ADAM12: variants seen among roughly 807,000 people sequenced by gnomAD.
ADAM12 encodes ADAM metallopeptidase domain 12, also known as disintegrin and metalloproteinase domain-containing protein 12.
A neutral mutation model predicts 106.4 loss-of-function variants in ADAM12; 70 were observed. The ratio of observed to expected loss-of-function variants is 0.66; its 90% CI spans 0.54 to 0.80. The LOEUF is 0.80. Among genes scored for constraint, ADAM12 ranks in the 30% least tolerant of loss-of-function variants. ADAM12 has a pLI of 0.00. For synonymous variants in ADAM12, 420 were observed against 433.5 expected (o/e 0.97, Z 0.39); for missense variants, 1,010 against 1,171.9 (o/e 0.86, Z 2.02).
intron 1 of ADAM12, among the ~76,000 whole-genome samples, chr10:126,344,920 G>T (rs960795397): frequency 5.9e-5 from 9 of 152,122 alleles, no homozygotes; most frequent in Admixed American, 2.0e-4. Context: ...AAGGAGATTT[G>T]GGGCTGAGAC....
At chr10:126,235,993 C>A (rs1958408184) in intron 3 of ADAM12, among the ~76,000 whole-genome samples, 1 of 152,030 alleles carries the variant, frequency 6.6e-6, no homozygotes, top group African/African-American at 2.4e-5. Flanking sequence ...CAGGGCCTGG[C>A]AGACAGGGAG....
In ADAM12 at chr10:126,268,866, C is replaced by A. The variant is rs545291715; in HGVS notation, c.260+10049G>T. Among the ~76,000 whole-genome samples, 58 of 152,222 alleles carry A rather than the reference C, an allele frequency of 3.8e-4. 1 individual carries two copies. The South Asian group carries it at 0.012, about 32-fold the overall frequency. On this transcript the variant is annotated intron_variant, in intron 3 of 22. Coordinates refer to ENST00000448723, the MANE Select transcript of ADAM12 (RefSeq NM_001288973.2). ...GTCAAAGAGTTACAGGAAAGGTTCC[C>A]GATCCAGACCCCAAAAGAGGGTTCT...
At chr10:126,359,908 G>A (rs1468483650) in intron 1 of ADAM12, among the ~76,000 whole-genome samples, 1 of 152,164 alleles carries the variant, frequency 6.6e-6, no homozygotes, top group African/African-American at 2.4e-5. Flanking sequence ...GCAAACTTCT[G>A]CCTGGGCATC....
chr10:126,123,246 C>T (rs1414821423), intron 5 of ADAM12, among the ~76,000 whole-genome samples: 1 of 152,164 alleles, frequency 6.6e-6, no homozygotes, highest in Non-Finnish European at 1.5e-5. Context: ...TTCTCACAGC[C>T]CTTACTGGCC....
chr10:126,329,688 G>C (rs1316495031), intron 2 of ADAM12, among the ~76,000 whole-genome samples: 5 of 152,068 alleles, frequency 3.3e-5, no homozygotes, highest in African/African-American at 4.8e-5. Flanking sequence ...AACCATTCCA[G>C]GAAGTGACAG....
At chr10:126,082,744 G>A (rs1345638720) in intron 11 of ADAM12, among the ~76,000 whole-genome samples, 3 of 152,124 alleles carry the variant, frequency 2.0e-5, no homozygotes. Context: ...TTAGTTCACA[G>A]CCAGTTCTAC....
At position 126,049,042 on chromosome 10, in the gene ADAM12, C is replaced by A. The variant is rs547019859; in HGVS notation, c.1917+211G>T. On this transcript the variant is annotated intron_variant, in intron 16 of 22. Coordinates refer to ENST00000448723, the MANE Select transcript of ADAM12 (RefSeq NM_001288973.2). This position sits in a 1 kb window ranked among gnomAD's most constrained non-coding sequence, Gnocchi z 4.4. ...AGTGTAGAAATGACTTATTAACACT[C>A]AAGGCCTAAGAAGACAGGCTTGATT... Among the ~76,000 whole-genome samples the A allele has an allele frequency of 6.6e-6, 1 of 152,326 alleles. No homozygotes were observed. Among genetic ancestry groups the A allele is most frequent in the East Asian group, 1.9e-4 (1 of 5,192 alleles).
At chr10:126,157,559 G>A (rs1674919) in intron 3 of ADAM12, among the ~76,000 whole-genome samples, 82,161 of 152,152 alleles carry the variant, frequency 0.54, 23,012 homozygotes, top group East Asian at 0.73. Flanking sequence ...GTTAGACCCC[G>A]ATGGCAGGTC....
intron 3 of ADAM12, among the ~76,000 whole-genome samples, chr10:126,242,046 G>A (rs1351081544): frequency 6.7e-6 from 1 of 150,092 alleles, no homozygotes; most frequent in Non-Finnish European, 1.5e-5. Flanking sequence ...CCCATTATAT[G>A]AATCACTCTG....
At chr10:126,275,209 A>G (rs1033836108) in intron 3 of ADAM12, among the ~76,000 whole-genome samples, 1 of 152,226 alleles carries the variant, frequency 6.6e-6, no homozygotes, top group Non-Finnish European at 1.5e-5. Context: ...AAAGCTGGCC[A>G]GCCTGTCCAA....
intron 3 of ADAM12, among the ~76,000 whole-genome samples, chr10:126,231,095 A>C (rs1326944309): frequency 2.0e-5 from 3 of 152,196 alleles, no homozygotes; most frequent in Admixed American, 6.5e-5. Context: ...GCATCTTCTG[A>C]GGCCCCTATT....
chr10:126,310,986 G>A (rs1008601504), intron 2 of ADAM12, among the ~76,000 whole-genome samples: 11 of 151,992 alleles, frequency 7.2e-5, no homozygotes, highest in South Asian at 2.1e-4. Context: ...ATTAAGGGTC[G>A]TTGCAGGGAA....
intron 4 of ADAM12, among the ~76,000 whole-genome samples, chr10:126,153,782 G>T (rs1379396437): frequency 1.3e-5 from 2 of 152,074 alleles, no homozygotes; most frequent in African/African-American, 4.8e-5. Flanking sequence ...TTTTGGGTTG[G>T]CTTATGTCTG....
At chr10:126,267,393 A>C (rs1454046649) in intron 3 of ADAM12, among the ~76,000 whole-genome samples, 1 of 152,210 alleles carries the variant, frequency 6.6e-6, no homozygotes, top group African/African-American at 2.4e-5. Flanking sequence ...TGTAATATAT[A>C]ATGAAATAAT....
intron 3 of ADAM12, among the ~76,000 whole-genome samples, chr10:126,156,885 T>C (rs974702356): frequency 1.3e-5 from 2 of 152,216 alleles, no homozygotes; most frequent in Non-Finnish European, 2.9e-5. Context: ...AAACAGAACC[T>C]GGGTTTTCTG....
intron 10 of ADAM12, among the ~76,000 whole-genome samples, chr10:126,098,116 C>CAGT (rs2133572508): frequency 6.6e-6 from 1 of 152,304 alleles, no homozygotes. Context: ...TGGCTCACCC[C>CAGT]AGTGCTGCGA....
chr10:126,110,868 G>C lies in ADAM12; in HGVS notation c.604-1028C>G, dbSNP rs542354470. Among the ~76,000 whole-genome samples, 3 of 152,346 alleles carry C rather than the reference G, an allele frequency of 2.0e-5. No individual in the cohort carries two copies. In the East Asian group the frequency reaches 5.8e-4, roughly 29 times the overall value. On this transcript the variant is annotated intron_variant, in intron 6 of 22. Coordinates refer to ENST00000448723, the MANE Select transcript of ADAM12 (RefSeq NM_001288973.2). ...GCCATAAAATGCAGTTGGAGGAAGTGGGGGTTAAGTTGGTCTTTGGTCCTG... is the reference window on the plus strand; with the variant it reads ...GCCATAAAATGCAGTTGGAGGAAGTCGGGGTTAAGTTGGTCTTTGGTCCTG...
At chr10:126,191,071 T>C (rs1957492404) in intron 3 of ADAM12, among the ~76,000 whole-genome samples, 1 of 141,666 alleles carries the variant, frequency 7.1e-6, no homozygotes, top group Non-Finnish European at 1.5e-5. Context: ...GCACAATCTC[T>C]GCTCACTGCA....
At chr10:126,253,762 C>G (rs553161051) in intron 3 of ADAM12, among the ~76,000 whole-genome samples, 1 of 152,304 alleles carries the variant, frequency 6.6e-6, no homozygotes, top group South Asian at 2.1e-4. Context: ...CTTGTAGGGA[C>G]CAGGGCAGAG....
Sources: gnomAD v4.1 joint callset for allele counts (sites outside exome capture counted in the v4.1 genomes callset) on GRCh38, gnomAD v4.1.1 for gene constraint, Gnocchi (gnomAD v3.1) non-coding constraint, MANE v1.5 for transcripts, NCBI Gene and HGNC (gene_info 2026-07-23, HGNC 2026-07-21) for gene names.